MAN1C1: variants seen among roughly 807,000 people sequenced by gnomAD.
The protein encoded by MAN1C1 is mannosyl-oligosaccharide 1,2-alpha-mannosidase IC.
Under a neutral mutation model 71.5 loss-of-function variants are expected in MAN1C1, and 49 were observed. The observed-to-expected ratio is 0.69, with a 90% CI of 0.54 to 0.87. The LOEUF (loss-of-function observed/expected upper bound fraction) is 0.87, where lower values mean the gene tolerates loss of function less well. Among genes scored for constraint, MAN1C1 ranks in the 40% least tolerant of loss-of-function variants. The pLI is 0.00. For synonymous variants in MAN1C1, 352 were observed against 343.7 expected (o/e 1.02, Z -0.27); for missense variants, 743 against 835.0 (o/e 0.89, Z 1.36).
In MAN1C1 at chr1:25,734,832, A is replaced by G. The variant is rs149403677; in HGVS notation, c.638-11836A>G. Among the ~76,000 whole-genome samples the G allele has an allele frequency of 3.3e-3, 510 of 152,380 alleles. 3 individuals are homozygous for G. The highest frequency in any genetic ancestry group is 0.011 in the African/African-American group (454 of 41,598). ...TGCCTGGAATGGACTTGAGAAAAGG[A>G]CACAAATTACTGTAATAGAAGTTGA... is the stretch of plus-strand genomic sequence containing the variant. On this transcript the variant is annotated intron_variant, in intron 2 of 11. Coordinates refer to ENST00000374332, the MANE Select transcript of MAN1C1 (RefSeq NM_020379.4).
chr1:25,645,526 G>A (rs370337561), intron 1 of MAN1C1: 24 of 152,346 alleles, frequency 1.6e-4, no homozygotes, highest in African/African-American at 4.6e-4. Context: ...CATTGCTCTC[G>A]AGGAAAGGAA....
intron 2 of MAN1C1, among the ~76,000 whole-genome samples, chr1:25,733,351 A>G (rs1436510846): frequency 6.6e-6 from 1 of 151,740 alleles, no homozygotes; most frequent in Non-Finnish European, 1.5e-5. Context: ...TTGAAGCCCC[A>G]GGGCCATGTG....
chr1:25,707,758 G>T (rs1187493487), intron 2 of MAN1C1, among the ~76,000 whole-genome samples: 1 of 152,348 alleles, frequency 6.6e-6, no homozygotes, highest in African/African-American at 2.4e-5. Context: ...CATTTACATT[G>T]CTTGTAATTG....
chr1:25,665,026 A>G (rs926743046), intron 1 of MAN1C1, among the ~76,000 whole-genome samples: 1 of 152,254 alleles, frequency 6.6e-6, no homozygotes, highest in African/African-American at 2.4e-5. Flanking sequence ...CACTGACGCT[A>G]GCAGGTGGTT....
chr1:25,743,030 A>C (rs899524100), intron 2 of MAN1C1, among the ~76,000 whole-genome samples: 1 of 152,210 alleles, frequency 6.6e-6, no homozygotes, highest in South Asian at 2.1e-4. Flanking sequence ...TGTATTTATC[A>C]GATGTATCTA....
intron 1 of MAN1C1, among the ~76,000 whole-genome samples, chr1:25,627,156 T>C (rs976165773): frequency 1.3e-5 from 2 of 152,240 alleles, no homozygotes; most frequent in African/African-American, 4.8e-5. Flanking sequence ...CTGAATTGCT[T>C]TGATGCCTTC....
Position 25,778,473 on chromosome 1 carries a change from C to G in MAN1C1, c.1477+149C>G. ...AAGTAGAATTTGAGAGAGGTACTCTCCAGGCTCCGAGACCATACCCTGAAT... is the reference window on the plus strand; with the variant it reads ...AAGTAGAATTTGAGAGAGGTACTCTGCAGGCTCCGAGACCATACCCTGAAT... On this transcript the variant is annotated intron_variant, in intron 9 of 11. Transcript: ENST00000374332. This position sits in a 1 kb window ranked among gnomAD's most constrained non-coding sequence, Gnocchi z 5.5. The G allele has an allele frequency of 1.3e-6, 1 of 773,490 alleles. No individual in the cohort carries two copies. The highest frequency in any genetic ancestry group is 2.0e-6 in the Non-Finnish European group (1 of 489,086). 47.9% of individuals were successfully genotyped at this position (773,490 alleles called of 1,614,324 possible).
chr1:25,695,891 C>T (rs1443513668), intron 2 of MAN1C1, among the ~76,000 whole-genome samples: 1 of 152,202 alleles, frequency 6.6e-6, no homozygotes, highest in East Asian at 1.9e-4. Flanking sequence ...TTGTCTCTGC[C>T]CAGGGTTCTG....
At chr1:25,768,476 T>C (rs1572208028) in intron 7 of MAN1C1, among the ~76,000 whole-genome samples, 2 of 53,414 alleles carry the variant, frequency 3.7e-5, no homozygotes, top group African/African-American at 7.2e-5. Context: ...ACACACACAT[T>C]ACACACTCCC....
chr1:25,627,251 T>TTTCTCTTCTCTTCTC (rs140616480), intron 1 of MAN1C1, among the ~76,000 whole-genome samples: 77 of 151,628 alleles, frequency 5.1e-4, no homozygotes, highest in African/African-American at 1.7e-3. Flanking sequence ...ATTCCATTCT[T>TTTCTCTTCTCTTCTC]TTCTCTTCTC....
chr1:25,705,880 C>A (rs2046514626), intron 2 of MAN1C1, among the ~76,000 whole-genome samples: 1 of 152,212 alleles, frequency 6.6e-6, no homozygotes, highest in African/African-American at 2.4e-5. Flanking sequence ...GAGTTTGAGG[C>A]TGCAGTGAAC....
chr1:25,745,215 A>T (rs1453695733), intron 2 of MAN1C1, among the ~76,000 whole-genome samples: 1 of 152,232 alleles, frequency 6.6e-6, no homozygotes, highest in Non-Finnish European at 1.5e-5. Context: ...CTCCCAGGAC[A>T]GGTGCCTGAT....
At chr1:25,704,032 C>T (rs563882237) in intron 2 of MAN1C1, among the ~76,000 whole-genome samples, 12 of 152,326 alleles carry the variant, frequency 7.9e-5, no homozygotes, top group Non-Finnish European at 1.8e-4. Flanking sequence ...GACGCCCCTG[C>T]CACATGCTTC....
intron 2 of MAN1C1, among the ~76,000 whole-genome samples, chr1:25,741,227 G>A (rs944002711): frequency 6.6e-6 from 1 of 152,132 alleles, no homozygotes. Context: ...TGATCCGCCT[G>A]CCTCAGCCTC....
chr1:25,693,144 G>A (rs1475830415), intron 2 of MAN1C1, among the ~76,000 whole-genome samples: 1 of 152,120 alleles, frequency 6.6e-6, no homozygotes, highest in Non-Finnish European at 1.5e-5. Flanking sequence ...ATTATATACT[G>A]TATTATAATA....
chr1:25,661,694 G>A (rs550031033), intron 1 of MAN1C1, among the ~76,000 whole-genome samples: 12 of 152,276 alleles, frequency 7.9e-5, no homozygotes, highest in Admixed American at 2.0e-4. Flanking sequence ...ATTAGAGTTC[G>A]TGAAAATGGG....
At chr1:25,632,497 T>A (rs943484945) in intron 1 of MAN1C1, among the ~76,000 whole-genome samples, 1 of 152,112 alleles carries the variant, frequency 6.6e-6, no homozygotes, top group Non-Finnish European at 1.5e-5. Context: ...CAATTTCATT[T>A]ACTTCTTCTC....
In MAN1C1 at chr1:25,768,742, C is replaced by T. The variant is rs543278366; in HGVS notation, c.1142-2915C>T. Among the ~76,000 whole-genome samples the T allele has an allele frequency of 6.4e-4, 91 of 141,486 alleles. 1 individual carries two copies. The highest frequency in any genetic ancestry group is 1.2e-3 in the Non-Finnish European group (79 of 64,722). 92.8% of individuals were successfully genotyped at this position (141,486 alleles called of 152,430 possible). Reference sequence around the variant, plus strand: ...TCCCCCTACATACACTCCCCTCACACACCCACAGTCCCCTCACATACATCC... The same window carrying T: ...TCCCCCTACATACACTCCCCTCACATACCCACAGTCCCCTCACATACATCC... On this transcript the variant is annotated intron_variant, in intron 7 of 11. Coordinates refer to ENST00000374332, the MANE Select transcript of MAN1C1 (RefSeq NM_020379.4).
intron 6 of MAN1C1, 113 bp downstream of exon 6, chr1:25,758,822 G>A (rs998753141): frequency 1.1e-6 from 1 of 880,844 alleles, no homozygotes; most frequent in Non-Finnish European, 1.9e-6. Flanking sequence ...GAGGGCAGTG[G>A]GGAGCCCGGG....
Sources: gnomAD v4.1 joint callset for allele counts (sites outside exome capture counted in the v4.1 genomes callset) on GRCh38, gnomAD v4.1.1 for gene constraint, Gnocchi (gnomAD v3.1) non-coding constraint, MANE v1.5 for transcripts, NCBI Gene and HGNC (gene_info 2026-07-23, HGNC 2026-07-21) for gene names.